PLEKHM2: variants seen among roughly 807,000 people sequenced by gnomAD.
The protein encoded by PLEKHM2 is pleckstrin homology domain-containing family M member 2.
In PLEKHM2, 77 loss-of-function variants were observed where a neutral mutation model predicts 116.3. The ratio of observed to expected loss-of-function variants is 0.66; its 90% CI spans 0.55 to 0.80. The LOEUF is 0.80. Ranked by LOEUF, PLEKHM2 falls within the 30% of genes least tolerant of loss-of-function variation. PLEKHM2 has a pLI of 0.00. For missense variants in PLEKHM2, 1,183 were observed against 1,354.9 expected (o/e 0.87, Z 1.99); for synonymous variants, 562 against 571.0 (o/e 0.98, Z 0.22).
intron 1 of PLEKHM2, among the ~76,000 whole-genome samples, chr1:15,690,830 C>A (rs1249946433): frequency 6.6e-6 from 1 of 152,106 alleles, no homozygotes; most frequent in Non-Finnish European, 1.5e-5. Context: ...TATGAACAGG[C>A]AGATGAGTAT....
Position 15,716,342 on chromosome 1 carries a change from G to T in PLEKHM2, c.166G>T (p.Gly56Ter). 1 of 1,576,980 alleles carries T rather than the reference G, an allele frequency of 6.3e-7. No homozygotes were observed. Reference sequence around the variant, plus strand: ...GCACCTGGACCACGCCCTGCTGTACGGGTAAGGTGGAGGAAGTTTCCAAAG... The same window carrying T: ...GCACCTGGACCACGCCCTGCTGTACTGGTAAGGTGGAGGAAGTTTCCAAAG... The part of the protein sequence containing the change: ...CEHLDHALLY[G>*]LQDLSSGYWV... The change falls in exon 2 of 20, where the codon GGA (glycine) becomes TGA (stop). Residue 56 changes from glycine to a stop codon, truncating the protein, a stop_gained and splice_region_variant. Transcript: ENST00000375799. LOFTEE classifies it high-confidence loss of function.
chr1:15,731,269 G>C lies in PLEKHM2; in HGVS notation c.2465+12G>C, dbSNP rs370100069. On this transcript the variant is annotated intron_variant, in intron 16 of 19. Transcript: ENST00000375799. ...TCGGTGAACATGGGGTAAGTGTCCC[G>C]GGAGAAGCGGGTGTATCCTGGGGCC... 3 of 1,564,252 alleles carry C rather than the reference G, an allele frequency of 1.9e-6. No homozygotes were observed. The Admixed American group carries it at 5.5e-5, about 29-fold the overall frequency.
intron 1 of PLEKHM2, among the ~76,000 whole-genome samples, chr1:15,698,535 TTC>T (rs1397303527): frequency 6.9e-6 from 1 of 144,850 alleles, no homozygotes; most frequent in Non-Finnish European, 1.5e-5. Context: ...TTCTTTTTCT[TTC>T]TTTCTTTCTT....
At chr1:15,682,494 T>C (rs1431340451), upstream of PLEKHM2, among the ~76,000 whole-genome samples, 1 of 150,448 alleles carries the variant, frequency 6.6e-6, no homozygotes. Flanking sequence ...TCACATGCAC[T>C]TGTAGTCCCA....
At chr1:15,695,386 G>A (rs576669499) in intron 1 of PLEKHM2, among the ~76,000 whole-genome samples, 43 of 152,298 alleles carry the variant, frequency 2.8e-4, no homozygotes, top group African/African-American at 6.7e-4. Context: ...TGAGAGGAAG[G>A]GGAGTAATAA....
chr1:15,728,426 C>T lies in PLEKHM2; in HGVS notation c.1921+69C>T. 7.1e-7 allele frequency: 1 copy of T among 1,408,098 alleles called. No homozygotes were observed. The highest frequency in any genetic ancestry group is 1.3e-5 in the South Asian group (1 of 79,180). The allele number at this position is 1,408,098 out of a possible 1,614,324, so 87.2% of individuals were successfully genotyped here. ...GACTCTCAGCCCCTTTTCCCCAGTC[C>T]CCTTGCCCTCTGAGTGCCTCCCGGC... On this transcript the variant is annotated intron_variant, in intron 11 of 19. Transcript: ENST00000375799. This position sits in a 1 kb window ranked among gnomAD's most constrained non-coding sequence, Gnocchi z 5.9.
chr1:15,712,936 G>A (rs1431716256), intron 1 of PLEKHM2, among the ~76,000 whole-genome samples: 1 of 152,108 alleles, frequency 6.6e-6, no homozygotes, highest in Non-Finnish European at 1.5e-5. Flanking sequence ...AAGTAGCTGG[G>A]ATTACAGGAA....
intron 1 of PLEKHM2, among the ~76,000 whole-genome samples, chr1:15,686,673 G>A (rs907624552): frequency 7.0e-6 from 1 of 141,868 alleles, no homozygotes; most frequent in African/African-American, 3.0e-5. Flanking sequence ...TTTTGAGACG[G>A]AGTCTCGCTC....
Position 15,728,868 on chromosome 1 carries a change from G to T in PLEKHM2, c.1986+135G>T, listed in dbSNP as rs1367293644. ...TGGGCACCAACTTAACTCTCAGAGA[G>T]GCTTCTGTACACGATGCTGGGGGTA... On this transcript the variant is annotated intron_variant, in intron 12 of 19. Transcript: ENST00000375799. This position sits in a 1 kb window ranked among gnomAD's most constrained non-coding sequence, Gnocchi z 5.9. The T allele has an allele frequency of 1.1e-6, 1 of 876,476 alleles. No individual in the cohort carries two copies. Among genetic ancestry groups the T allele is most frequent in the African/African-American group, 1.7e-5 (1 of 59,666 alleles). The allele number at this position is 876,476 out of a possible 1,614,324, so 54.3% of individuals were successfully genotyped here. A position where few individuals can be genotyped will look rare whatever the true frequency, so the allele number is the denominator to read the frequency against.
chr1:15,721,470 CCTT>C lies in PLEKHM2; in HGVS notation c.712+83_712+85del. The stretch of plus-strand genomic sequence containing the variant: ...GCTTGCTGCATGTATCAAATCAGCT[CCTT>C]ATTATTTATAATAATATCCATAATC... On this transcript the variant is annotated intron_variant, in intron 7 of 19. Coordinates refer to ENST00000375799, the MANE Select transcript of PLEKHM2 (RefSeq NM_015164.4). This position sits in a 1 kb window ranked among gnomAD's most constrained non-coding sequence, Gnocchi z 5.1. 1.3e-6 allele frequency: 1 copy of C among 794,702 alleles called. No individual in the cohort carries two copies. The highest frequency in any genetic ancestry group is 2.1e-6 in the Non-Finnish European group (1 of 481,266). The allele number at this position is 794,702 out of a possible 1,614,324, so 49.2% of individuals were successfully genotyped here.
intron 1 of PLEKHM2, among the ~76,000 whole-genome samples, chr1:15,686,719 G>A (rs901772930): frequency 5.4e-5 from 8 of 146,926 alleles, no homozygotes; most frequent in Non-Finnish European, 1.0e-4. Context: ...CCTGATCTCC[G>A]CTCAGTGCAA....
rs754109012 is a variant in PLEKHM2, at chr1:15,716,327, C to T, written c.151C>T (p.His51Tyr). ...VLQRLCEHLD[H>Y]ALLYGLQDLS... ...ACAGCGTCTGTGTGAGCACCTGGAC[C>T]ACGCCCTGCTGTACGGGTAAGGTGG... The change falls in exon 2 of 20, where the codon CAC (histidine) becomes TAC (tyrosine). Residue 51 changes from histidine to tyrosine, a missense_variant. His to Tyr is a moderately conservative substitution (Grantham distance 83). This residue lies in a region of PLEKHM2 where 217 missense variants were observed against 277.6 expected (regional missense o/e 0.78). Transcript: ENST00000375799. 14 of 1,598,702 alleles carry T rather than the reference C, an allele frequency of 8.8e-6. No individual in the cohort carries two copies. Among genetic ancestry groups the T allele is most frequent in the Non-Finnish European group, 1.2e-5 (14 of 1,171,294 alleles).
chr1:15,684,469 T>C lies in PLEKHM2; in HGVS notation c.-90T>C, dbSNP rs1640717725. 2.8e-6 allele frequency: 2 copies of C among 726,558 alleles called. No homozygotes were observed. The highest frequency in any genetic ancestry group is 3.4e-6 in the Non-Finnish European group (2 of 594,692). 45.0% of individuals were successfully genotyped at this position (726,558 alleles called of 1,614,324 possible). On this transcript the variant is annotated 5_prime_UTR_variant, in exon 1 of 20. Coordinates refer to ENST00000375799, the MANE Select transcript of PLEKHM2 (RefSeq NM_015164.4). ...GCCCCCGTACGGCCGGCGGCAGCGG[T>C]TGGCGGCGGCCCCCGGCCCCCGGCG...
chr1:15,715,262 A>ATTGT (rs1183770219), intron 1 of PLEKHM2, among the ~76,000 whole-genome samples: 1 of 152,160 alleles, frequency 6.6e-6, no homozygotes, highest in Non-Finnish European at 1.5e-5. Flanking sequence ...ATGAAGGAGG[A>ATTGT]TTGTTTGAAT....
At chr1:15,724,905 C>T (rs1322825472) in intron 7 of PLEKHM2, among the ~76,000 whole-genome samples, 1 of 152,090 alleles carries the variant, frequency 6.6e-6, no homozygotes, top group Non-Finnish European at 1.5e-5. Flanking sequence ...CCTGTAGCGT[C>T]CTGGCAGGAA....
rs1440048339 is a variant in PLEKHM2 at position 15,719,735 on chromosome 1, A to G, written c.467A>G (p.Asp156Gly). The change falls in exon 6 of 20, where the codon GAT becomes GGT. Residue 156 changes from aspartate (D) to glycine (G), a missense_variant and splice_region_variant. Around this residue, in one of 3 missense-constraint regions of PLEKHM2, gnomAD observed 217 missense variants for 277.6 expected, o/e 0.78. Coordinates refer to ENST00000375799, the MANE Select transcript of PLEKHM2 (RefSeq NM_015164.4). The surrounding 1 kb of genome is among the most constrained non-coding windows in gnomAD (Gnocchi z 4.1). ...LEFIRFELDL[D>G]APYLDLAPYM... The stretch of plus-strand genomic sequence containing the variant: ...GGGCCTCCTCTACTCTCTCCTCAGG[A>G]TGCCCCTTACCTAGACCTGGCCCCC... The G allele has an allele frequency of 1.2e-6, 2 of 1,609,758 alleles. No homozygotes were observed. The highest frequency in any genetic ancestry group is 1.3e-5 in the African/African-American group (1 of 74,818).
intron 1 of PLEKHM2, among the ~76,000 whole-genome samples, chr1:15,696,263 G>T (rs1221355429): frequency 6.6e-6 from 1 of 152,170 alleles, no homozygotes; most frequent in African/African-American, 2.4e-5. Flanking sequence ...CCATGGTGTT[G>T]GTCTTGAAGT....
Position 15,728,330 on chromosome 1 carries a change from G to A in PLEKHM2, c.1894G>A (p.Asp632Asn), listed in dbSNP as rs1371512066. Reference sequence around the variant, plus strand: ...GCAGCTGCTGTACGTGCTGCTCACAGACTGCTATGTCTACCTGCTCCGGAA... The same window carrying A: ...GCAGCTGCTGTACGTGCTGCTCACAAACTGCTATGTCTACCTGCTCCGGAA... The part of the protein sequence containing the change: ...NLQLLYVLLT[D>N]CYVYLLRKGA... The change falls in exon 11 of 20, where the codon GAC (aspartate) becomes AAC (asparagine). Residue 632 changes from aspartate (D) to asparagine (N), a missense_variant. Physicochemically the swap from Asp to Asn is conservative, Grantham distance 23. Around this residue, in one of 3 missense-constraint regions of PLEKHM2, gnomAD observed 594 missense variants for 720.1 expected, o/e 0.82. Coordinates refer to ENST00000375799, the MANE Select transcript of PLEKHM2 (RefSeq NM_015164.4). The surrounding 1 kb of genome is among the most constrained non-coding windows in gnomAD (Gnocchi z 5.9). 4 of 1,613,156 alleles carry A rather than the reference G, an allele frequency of 2.5e-6. No homozygotes were observed. Among genetic ancestry groups the A allele is most frequent in the Non-Finnish European group, 3.4e-6 (4 of 1,179,850 alleles).
Position 15,725,507 on chromosome 1 carries a change from G to A in PLEKHM2, c.903G>A (p.Leu301=), listed in dbSNP as rs2148369085. ...AGGAGAAGGAGGAGGCCCAGGCCCT[G>A]GACCCGCCGGATGCCTGCACGGAGC... ...TSQEKEEAQA[L]DPPDACTELE... Residue 301 remains leucine (L), a synonymous_variant, in exon 8 of 20, where the codon CTG becomes CTA. Transcript: ENST00000375799. 6.3e-7 allele frequency: 1 copy of A among 1,576,076 alleles called. No homozygotes were observed. Among genetic ancestry groups the A allele is most frequent in the African/African-American group, 1.4e-5 (1 of 73,886 alleles).
Sources: allele counts gnomAD v4.1 joint callset (sites outside exome capture counted in the v4.1 genomes callset), GRCh38; gene constraint gnomAD v4.1.1; regional missense constraint gnomAD v4.1.1; non-coding constraint Gnocchi (gnomAD v3.1); transcripts MANE v1.5; gene names NCBI Gene and HGNC (gene_info 2026-07-23, HGNC 2026-07-21).